Variants in SHANK2 observed in about 807,000 individuals in gnomAD.
SHANK2 encodes the protein SH3 and multiple ankyrin repeat domains 2, also known as SH3 and multiple ankyrin repeat domains protein 2.
A neutral mutation model predicts 133.7 loss-of-function variants in SHANK2; 43 were observed. The ratio of observed to expected loss-of-function variants is 0.32; its 90% CI spans 0.25 to 0.41. The LOEUF is 0.41. SHANK2 is among the 10% of genes least tolerant of loss of function. The pLI is 1.00. For missense variants in SHANK2, 1,994 were observed against 2,235.8 expected (o/e 0.89, Z 2.18); for synonymous variants, 1,017 against 952.8 (o/e 1.07, Z -1.24).
rs189721312 is a variant in SHANK2, at chr11:70,719,644, C to T, written c.1778-20881G>A. On this transcript the variant is annotated intron_variant, in intron 14 of 25. Transcript: ENST00000601538. ...GTCATAAAAATAGCCCTACCTGGCA[C>T]GCCAGGGGCCCAGGGGGCTGCTGCT... is the stretch of plus-strand genomic sequence containing the variant. 5.5e-3 allele frequency among the ~76,000 whole-genome samples: 829 copies of T among 152,090 alleles called. 6 individuals are homozygous for T. Among genetic ancestry groups the T allele is most frequent in the African/African-American group, 0.019 (775 of 41,486 alleles).
At chr11:71,171,978 GC>G (rs1953323374) in intron 2 of SHANK2, among the ~76,000 whole-genome samples, 1 of 152,184 alleles carries the variant, frequency 6.6e-6, no homozygotes, top group Non-Finnish European at 1.5e-5. Flanking sequence ...GAGACCCTGG[GC>G]CTGGGAGGCC....
intron 17 of SHANK2, among the ~76,000 whole-genome samples, chr11:70,534,364 C>T (rs1451861901): frequency 2.6e-5 from 4 of 152,266 alleles, no homozygotes; most frequent in Admixed American, 1.3e-4. Flanking sequence ...TGAAGGTAAC[C>T]GCCCCCATGA....
chr11:70,712,714 C>T (rs1328932741), intron 14 of SHANK2, among the ~76,000 whole-genome samples: 2 of 152,214 alleles, frequency 1.3e-5, no homozygotes, highest in South Asian at 2.1e-4. Context: ...GCCGCCAGCA[C>T]GATGGTTCCT....
intron 1 of SHANK2, among the ~76,000 whole-genome samples, chr11:71,246,373 G>C (rs190843461): frequency 8.5e-5 from 13 of 152,084 alleles, no homozygotes; most frequent in African/African-American, 3.1e-4. Context: ...ATGAGCCGGA[G>C]TGAGGAAGAC....
intron 14 of SHANK2, among the ~76,000 whole-genome samples, chr11:70,754,097 C>T (rs908168665): frequency 6.6e-6 from 1 of 152,238 alleles, no homozygotes; most frequent in Admixed American, 6.5e-5. Flanking sequence ...CAGGCGTGAG[C>T]CACTACGCCT....
intron 10 of SHANK2, among the ~76,000 whole-genome samples, chr11:70,939,994 G>A (rs1223151499): frequency 1.3e-5 from 2 of 152,038 alleles, no homozygotes; most frequent in African/African-American, 4.8e-5. Flanking sequence ...TCCAGAGATT[G>A]GTGTGATGCT....
intron 14 of SHANK2, among the ~76,000 whole-genome samples, chr11:70,699,376 T>C (rs1465423756): frequency 3.3e-5 from 5 of 151,936 alleles, no homozygotes; most frequent in Admixed American, 3.3e-4. Flanking sequence ...TTAGATTTAA[T>C]GGATAGCTCA....
At chr11:70,880,818 G>T (rs1590791363) in intron 11 of SHANK2, among the ~76,000 whole-genome samples, 1 of 152,342 alleles carries the variant, frequency 6.6e-6, no homozygotes, top group East Asian at 1.9e-4. Flanking sequence ...CTGTGGATAG[G>T]CATCCTGAGA....
chr11:70,563,625 G>A (rs926172795), intron 17 of SHANK2, among the ~76,000 whole-genome samples: 2 of 143,352 alleles, frequency 1.4e-5, no homozygotes, highest in African/African-American at 2.6e-5. Context: ...CGCAACCTCC[G>A]CCTCCTGGAT....
intron 13 of SHANK2, among the ~76,000 whole-genome samples, chr11:70,806,652 C>T (rs369314224): frequency 7.2e-5 from 11 of 152,264 alleles, no homozygotes; most frequent in Middle Eastern, 3.4e-3. Flanking sequence ...ACCCCAAAGC[C>T]GACCCATGCC....
chr11:70,522,810 GCAT>G (rs1305500629), intron 17 of SHANK2, among the ~76,000 whole-genome samples: 1 of 152,230 alleles, frequency 6.6e-6, no homozygotes, highest in Admixed American at 6.5e-5. Flanking sequence ...CAACCAGGCG[GCAT>G]CATTTGAGAC....
At position 70,808,124 on chromosome 11, in the gene SHANK2, C is replaced by T. The variant is rs187064399; in HGVS notation, c.1494-953G>A. On this transcript the variant is annotated intron_variant, in intron 12 of 25. Coordinates refer to ENST00000601538, the MANE Select transcript of SHANK2 (RefSeq NM_012309.5). ...CAGCACTCGAATGTATTCCACTGAA[C>T]GCCACTGAACTGTGCACTTCAAAAT... is the stretch of plus-strand genomic sequence containing the variant. Among the ~76,000 whole-genome samples the T allele has an allele frequency of 4.0e-3, 605 of 152,236 alleles. 3 individuals are homozygous for T. The highest frequency in any genetic ancestry group is 0.014 in the African/African-American group (575 of 41,540).
intron 17 of SHANK2, among the ~76,000 whole-genome samples, chr11:70,601,015 ATATATC>A (rs56326812): frequency 0.25 from 32,344 of 128,148 alleles, 3,645 homozygotes; most frequent in East Asian, 0.37. Flanking sequence ...AGTAAAGAGA[ATATATC>A]TATATCTATA....
intron 11 of SHANK2, among the ~76,000 whole-genome samples, chr11:70,868,063 G>A (rs1555069434): frequency 6.6e-6 from 1 of 152,206 alleles, no homozygotes; most frequent in Middle Eastern, 3.2e-3. Flanking sequence ...CGTCACCAAG[G>A]GCCCGGCGCT....
At chr11:71,083,837 G>T (rs1333728767) in intron 8 of SHANK2, among the ~76,000 whole-genome samples, 1 of 152,144 alleles carries the variant, frequency 6.6e-6, no homozygotes, top group Non-Finnish European at 1.5e-5. Context: ...TGATGTCCTT[G>T]GGTTGTGGGA....
chr11:71,199,377 C>T (rs1162876856), intron 2 of SHANK2, among the ~76,000 whole-genome samples: 1 of 152,192 alleles, frequency 6.6e-6, no homozygotes, highest in Non-Finnish European at 1.5e-5. Flanking sequence ...AGGGTTTGCT[C>T]CAGGCAAATG....
Position 71,106,615 on chromosome 11 carries a change from A to T in SHANK2, c.592+3326T>A, listed in dbSNP as rs116766000. ...ATTATGCTGCTTCACAACGGCTCACAACAACTATGGACCTTCTGCTTTGGT... is the reference window on the plus strand; with the variant it reads ...ATTATGCTGCTTCACAACGGCTCACTACAACTATGGACCTTCTGCTTTGGT... On this transcript the variant is annotated intron_variant, in intron 6 of 25. Transcript: ENST00000601538. Among the ~76,000 whole-genome samples the T allele has an allele frequency of 4.9e-3, 744 of 152,340 alleles. 3 individuals carry two copies. Among genetic ancestry groups the T allele is most frequent in the African/African-American group, 0.017 (712 of 41,572 alleles).
In SHANK2 at chr11:70,954,255, G is replaced by C. The variant is rs78529583; in HGVS notation, c.1108-57688C>G. Among the ~76,000 whole-genome samples, 544 of 152,326 alleles carry C rather than the reference G, an allele frequency of 3.6e-3. 4 individuals carry two copies. The highest frequency in any genetic ancestry group is 0.013 in the African/African-American group (526 of 41,572). ...CCACCTGGAGGGAAGAGAAGGGTCCGCTGAGCAGATTTCGTGGGTTTCTGA... is the reference window on the plus strand; with the variant it reads ...CCACCTGGAGGGAAGAGAAGGGTCCCCTGAGCAGATTTCGTGGGTTTCTGA... On this transcript the variant is annotated intron_variant, in intron 10 of 25. Transcript: ENST00000601538.
chr11:70,832,839 T>TG (rs1332317353), intron 11 of SHANK2, among the ~76,000 whole-genome samples: 1 of 152,184 alleles, frequency 6.6e-6, no homozygotes, highest in Non-Finnish European at 1.5e-5. Flanking sequence ...TGCCCCGCCT[T>TG]GCCCCACGAG....
Sources: gnomAD v4.1 joint callset for allele counts (sites outside exome capture counted in the v4.1 genomes callset) on GRCh38, gnomAD v4.1.1 for gene constraint, MANE v1.5 for transcripts, NCBI Gene and HGNC (gene_info 2026-07-23, HGNC 2026-07-21) for gene names.